Variants in MILR1 observed in about 807,000 individuals in gnomAD.
MILR1 encodes the protein allergin-1.
Under a neutral mutation model 18.5 loss-of-function variants are expected in MILR1, and 31 were observed. The ratio of observed to expected loss-of-function variants is 1.68; its 90% CI spans 1.26 to 2.26. The LOEUF (loss-of-function observed/expected upper bound fraction) is 2.26. Ranked by LOEUF, MILR1 falls within the 30% of genes most tolerant of loss-of-function variation. The pLI is 0.00. For synonymous variants in MILR1, 85 were observed against 56.2 expected (o/e 1.51, Z -2.30); for missense variants, 257 against 157.4 (o/e 1.63, Z -3.38).
the MILR1 span, among the ~76,000 whole-genome samples, chr17:64,493,778 G>A: frequency 3.3e-5 from 5 of 152,032 alleles, no homozygotes; most frequent in East Asian, 1.9e-4. Context: ...GAGCCACCGC[G>A]CCCGACAAAG....
At chr17:64,497,135 C>T in the MILR1 span, 1 of 718,154 alleles carries the variant, frequency 1.4e-6, no homozygotes, top group Non-Finnish European at 2.4e-6. Flanking sequence ...GTTCCGGCCG[C>T]AGCCGTCCCC....
chr17:64,471,505 A>G (rs1555664599), downstream of MILR1, among the ~76,000 whole-genome samples: 2 of 152,178 alleles, frequency 1.3e-5, no homozygotes, highest in Admixed American at 1.3e-4. Context: ...GAACATGTGT[A>G]TTGTGCAATT....
chr17:64,477,931 A>G, the MILR1 span: 5 of 1,614,028 alleles, frequency 3.1e-6, no homozygotes, highest in Non-Finnish European at 3.4e-6. Context: ...GTATTAATCC[A>G]TTCTCCAAAG....
At chr17:64,464,865 G>A (rs1555662749) in intron 5 of MILR1, among the ~76,000 whole-genome samples, 1 of 152,168 alleles carries the variant, frequency 6.6e-6, no homozygotes, top group Non-Finnish European at 1.5e-5. Flanking sequence ...CGGAGGTTGC[G>A]GTGAGCGGAG....
chr17:64,464,641 A>G (rs1464346269), intron 5 of MILR1, among the ~76,000 whole-genome samples: 6 of 152,198 alleles, frequency 3.9e-5, no homozygotes, highest in African/African-American at 4.8e-5. Flanking sequence ...TGGAGCTACA[A>G]TAGAATTCAG....
intron 2 of MILR1, among the ~76,000 whole-genome samples, chr17:64,451,988 CAA>C (rs2037182011): frequency 6.7e-6 from 1 of 150,192 alleles, no homozygotes; most frequent in African/African-American, 2.4e-5. Flanking sequence ...TTGTCCAGAT[CAA>C]AGAGTGGGAG....
At chr17:64,459,991 A>ATTTT (rs1364756500) in intron 4 of MILR1, among the ~76,000 whole-genome samples, 4 of 119,344 alleles carry the variant, frequency 3.4e-5, no homozygotes, top group African/African-American at 1.3e-4. Flanking sequence ...ATTTTATTTT[A>ATTTT]TTTTATTTAT....
rs1285477654 is a variant in MILR1 at position 64,456,560 on chromosome 17, C to T, written c.368-840C>T. ...GCATGGTGGCTCACACCTGAAATCC[C>T]GGCACTTTGGGAGGCTGAGGTGGGA... On this transcript the variant is annotated intron_variant, in intron 3 of 9. Transcript: ENST00000619286. Among the ~76,000 whole-genome samples the T allele has an allele frequency of 4.6e-5, 7 of 152,190 alleles. 1 individual carries two copies. The South Asian group carries it at 1.0e-3, about 23-fold the overall frequency.
chr17:64,491,609 C>T, the MILR1 span: 1 of 1,535,938 alleles, frequency 6.5e-7, no homozygotes, highest in South Asian at 1.1e-5. Context: ...TGTGGGACTT[C>T]AGCCCTAGTG....
At position 64,460,930 on chromosome 17, in the gene MILR1, C is replaced by T. The variant is rs2037417485; in HGVS notation, c.761C>T (p.Thr254Ile). The T allele has an allele frequency of 2.1e-6, 1 of 474,348 alleles. No individual in the cohort carries two copies. Among genetic ancestry groups the T allele is most frequent in the African/African-American group, 2.0e-5 (1 of 50,420 alleles). 29.4% of individuals were successfully genotyped at this position (474,348 alleles called of 1,614,324 possible). Reference sequence around the variant, plus strand: ...TTTTGGGTACTGCCCAAATACAAAACAAGTAAGTTCTTTTAGTCGCTTTAC... The same window carrying T: ...TTTTGGGTACTGCCCAAATACAAAATAAGTAAGTTCTTTTAGTCGCTTTAC... ...LAFWVLPKYK[T>I]RKAMRNNVPR... is the part of the protein sequence containing the mutation. The change falls in exon 5 of 10, where the codon ACA becomes ATA. Residue 254 changes from threonine (T) to isoleucine (I), a missense_variant and splice_region_variant. Thr to Ile is a moderately conservative substitution (Grantham distance 89). Coordinates refer to ENST00000619286, the MANE Select transcript of MILR1 (RefSeq NM_001085423.2).
the MILR1 span, chr17:64,490,769 T>C: frequency 1.9e-6 from 3 of 1,582,454 alleles, no homozygotes; most frequent in Non-Finnish European, 2.6e-6. Flanking sequence ...GGGTAAAAAA[T>C]ACATAGGAGC....
At chr17:64,464,783 G>A (rs1273396542) in intron 5 of MILR1, among the ~76,000 whole-genome samples, 1 of 152,212 alleles carries the variant, frequency 6.6e-6, no homozygotes, top group African/African-American at 2.4e-5. Context: ...AATTAGCCAG[G>A]CATTGTGGCA....
intron 4 of MILR1, among the ~76,000 whole-genome samples, chr17:64,459,948 C>A (rs919255173): frequency 1.3e-5 from 2 of 151,424 alleles, no homozygotes; most frequent in Non-Finnish European, 2.9e-5. Context: ...GGAAGATGTG[C>A]TTGGTCATGA....
At chr17:64,495,713 A>T in the MILR1 span, among the ~76,000 whole-genome samples, 6 of 147,992 alleles carry the variant, frequency 4.1e-5, no homozygotes, top group South Asian at 1.3e-3. Context: ...AACTATTTGA[A>T]TTTTTTTTTT....
chr17:64,491,377 T>C, the MILR1 span: 3 of 566,502 alleles, frequency 5.3e-6, no homozygotes, highest in Non-Finnish European at 9.2e-6. Context: ...GGGGGATCAC[T>C]TGAGCTTAGG....
the MILR1 span, among the ~76,000 whole-genome samples, chr17:64,480,743 A>C: frequency 6.6e-6 from 1 of 152,240 alleles, no homozygotes. Flanking sequence ...GTATGAACTC[A>C]GAGCCCTCAT....
At chr17:64,462,738 T>C (rs1473189164) in intron 5 of MILR1, among the ~76,000 whole-genome samples, 3 of 151,830 alleles carry the variant, frequency 2.0e-5, no homozygotes, top group African/African-American at 7.3e-5. Context: ...TCTCCCTGGT[T>C]CAAGCGATTC....
At chr17:64,463,716 C>T (rs2037482315) in intron 5 of MILR1, among the ~76,000 whole-genome samples, 1 of 151,942 alleles carries the variant, frequency 6.6e-6, no homozygotes, top group African/African-American at 2.4e-5. Flanking sequence ...CACTGTGTTG[C>T]CCAGGCTGGA....
the MILR1 span, chr17:64,487,426 C>CTCTT: frequency 6.6e-6 from 1 of 152,002 alleles, no homozygotes; most frequent in Non-Finnish European, 1.5e-5. Flanking sequence ...CCAGCCTGGC[C>CTCTT]AACATGGTAA....
Sources: allele counts gnomAD v4.1 joint callset (sites outside exome capture counted in the v4.1 genomes callset), GRCh38; gene constraint gnomAD v4.1.1; transcripts MANE v1.5; gene names NCBI Gene and HGNC (gene_info 2026-07-23, HGNC 2026-07-21).